Variants in ZNF592 observed in about 807,000 individuals in gnomAD.
ZNF592 encodes spinocerebellar ataxia, autosomal recessive 5.
A neutral mutation model predicts 80.3 loss-of-function variants in ZNF592; 11 were observed. The ratio of observed to expected loss-of-function variants is 0.14; its 90% CI spans 0.09 to 0.23. ZNF592 has a LOEUF of 0.23. Ranked by LOEUF, ZNF592 falls within the 10% of genes least tolerant of loss-of-function variation. The probability of loss-of-function intolerance (pLI) is 1.00; values close to 1 mark genes in which losing one functional copy is unlikely to be tolerated. For synonymous variants in ZNF592, 646 were observed against 640.3 expected (o/e 1.01, Z -0.13); for missense variants, 1,420 against 1,633.9 (o/e 0.87, Z 2.26).
intron 1 of ZNF592, among the ~76,000 whole-genome samples, chr15:84,755,543 T>G (rs1899145882): frequency 6.6e-6 from 1 of 152,194 alleles, no homozygotes; most frequent in African/African-American, 2.4e-5. Context: ...TAACTCAGAA[T>G]AGACTTGCTT....
At position 84,806,068 on chromosome 15, in the gene ZNF592, C is replaced by T. The variant is rs1434795158; in HGVS notation, c.*3675C>T. 1.3e-5 allele frequency: 2 copies of T among 152,592 alleles called. No individual in the cohort carries two copies. The highest frequency in any genetic ancestry group is 6.5e-5 in the Admixed American group (1 of 15,272). 9.5% of individuals were successfully genotyped at this position (152,592 alleles called of 1,614,324 possible). On this transcript the variant is annotated 3_prime_UTR_variant, in exon 11 of 11. Transcript: ENST00000560079. Reference sequence around the variant, plus strand: ...AGAGTAATTCTTTAAAAGTTCCTTGCATATAACAGTGATTCAAAAAGTATA... The same window carrying T: ...AGAGTAATTCTTTAAAAGTTCCTTGTATATAACAGTGATTCAAAAAGTATA...
chr15:84,752,284 T>C (rs550569834), intron 1 of ZNF592, among the ~76,000 whole-genome samples: 1 of 152,340 alleles, frequency 6.6e-6, no homozygotes, highest in East Asian at 1.9e-4. Flanking sequence ...ACTTGTGGGA[T>C]ACATAGTGAG....
rs767358785 is a variant in ZNF592, at chr15:84,784,097, C to T, written c.1422C>T (p.Ala474=). 4 of 1,614,046 alleles carry T rather than the reference C, an allele frequency of 2.5e-6. No homozygotes were observed. The highest frequency in any genetic ancestry group is 2.5e-6 in the Non-Finnish European group (3 of 1,180,042). ...SSGPRVPKGA[A]PGSQTGKKQQ... ...GGCCCCGGGTCCCAAAGGGGGCTGC[C>T]CCAGGCTCACAGACAGGCAAGAAGC... The change falls in exon 4 of 11, where the codon GCC becomes GCT. Residue 474 remains alanine (A), a synonymous_variant. Transcript: ENST00000560079. This position sits in a 1 kb window ranked among gnomAD's most constrained non-coding sequence, Gnocchi z 5.8.
chr15:84,781,173 G>A (rs549530574), intron 3 of ZNF592, among the ~76,000 whole-genome samples: 2 of 151,810 alleles, frequency 1.3e-5, no homozygotes, highest in Non-Finnish European at 2.9e-5. Context: ...CTCAGCCTCC[G>A]GAGTAGCTGG....
intron 2 of ZNF592, among the ~76,000 whole-genome samples, chr15:84,769,068 G>A (rs1899622884): frequency 6.6e-6 from 1 of 152,110 alleles, no homozygotes; most frequent in Non-Finnish European, 1.5e-5. Flanking sequence ...AGCCTCCTGA[G>A]TAGCTGGGAT....
At chr15:84,755,124 A>ATT (rs34356102) in intron 1 of ZNF592, among the ~76,000 whole-genome samples, 23,232 of 115,364 alleles carry the variant, frequency 0.2, 2,847 homozygotes, top group Middle Eastern at 0.35. Flanking sequence ...CACCCAGCTA[A>ATT]TTTTTTTTTT....
In ZNF592 at chr15:84,764,806, C is replaced by T. The variant is rs1282447441; in HGVS notation, c.-159C>T. The T allele has an allele frequency of 2.5e-6, 1 of 398,784 alleles. No individual in the cohort carries two copies. The highest frequency in any genetic ancestry group is 4.4e-6 in the Non-Finnish European group (1 of 226,054). The allele number at this position is 398,784 out of a possible 1,614,324, so 24.7% of individuals were successfully genotyped here. On this transcript the variant is annotated 5_prime_UTR_variant, in exon 2 of 11. Transcript: ENST00000560079. ...GCTCGCCACACCCTTGTTTTGAGATCCTCTCTAAGGTATGATGTCTAGGCT... is the reference window on the plus strand; with the variant it reads ...GCTCGCCACACCCTTGTTTTGAGATTCTCTCTAAGGTATGATGTCTAGGCT...
intron 3 of ZNF592, among the ~76,000 whole-genome samples, chr15:84,780,252 G>T (rs908235524): frequency 2.0e-5 from 3 of 152,174 alleles, no homozygotes; most frequent in African/African-American, 7.2e-5. Flanking sequence ...CTCCCAAAGT[G>T]CTGGGATTAC....
chr15:84,760,402 G>A (rs951576838), intron 1 of ZNF592, among the ~76,000 whole-genome samples: 3 of 152,128 alleles, frequency 2.0e-5, no homozygotes, highest in African/African-American at 7.2e-5. Flanking sequence ...TCACTCTTCT[G>A]ATGTCATATG....
chr15:84,779,740 AC>A (rs1004471717), intron 3 of ZNF592, among the ~76,000 whole-genome samples: 1 of 152,114 alleles, frequency 6.6e-6, no homozygotes. Context: ...AAAGATACTT[AC>A]TTTACTTCTG....
rs1555428849 is a variant in ZNF592 at position 84,759,968 on chromosome 15, C to CCG, written c.-258-4738_-258-4737insGC. On this transcript the variant is annotated intron_variant, in intron 1 of 10. Coordinates refer to ENST00000560079, the MANE Select transcript of ZNF592 (RefSeq NM_014630.3). ...ATTGGGGAGATTCCCCCCCCCCCCA[C>CCG]CCTGCCATTTAAAAAGTAATATGTG... Among the ~76,000 whole-genome samples, 5 of 22,360 alleles carry CCG rather than the reference C, an allele frequency of 2.2e-4. No individual in the cohort carries two copies. In the East Asian group the frequency reaches 7.9e-3, roughly 35 times the overall value. The allele number at this position is 22,360 out of a possible 152,430, so 14.7% of individuals were successfully genotyped here. A position where few individuals can be genotyped will look rare whatever the true frequency, so the allele number is the denominator to read the frequency against.
At chr15:84,788,932 C>T (rs988088652) in intron 4 of ZNF592, among the ~76,000 whole-genome samples, 5 of 151,696 alleles carry the variant, frequency 3.3e-5, no homozygotes, top group Admixed American at 6.6e-5. Context: ...CTTTTTTGGC[C>T]GGGCATGGTG....
At position 84,798,777 on chromosome 15, in the gene ZNF592, C is replaced by T. The variant is rs200921753; in HGVS notation, c.2926C>T (p.Pro976Ser). Residue 976 changes from proline to serine, a missense_variant, in exon 8 of 11, where the codon CCG becomes TCG. By Grantham distance (74) the Pro-to-Ser change is moderately conservative. Transcript: ENST00000560079. This position sits in a 1 kb window ranked among gnomAD's most constrained non-coding sequence, Gnocchi z 4.5. ...AGCCCACCGCAGGGTGGAAGCCAGG[C>T]CGCGGCTGAGGAACACTGGCTGGAC... Reference protein sequence around the residue: ...PEAHRRVEARPRLRNTGWTCQ... With the variant: ...PEAHRRVEARSRLRNTGWTCQ... 289 of 1,604,338 alleles carry T rather than the reference C, an allele frequency of 1.8e-4. No homozygotes were observed. The highest frequency in any genetic ancestry group is 2.4e-4 in the Non-Finnish European group (283 of 1,179,690).
chr15:84,782,611 G>T (rs1962449734), intron 3 of ZNF592, 46 bp from the exon 4 acceptor site: 4 of 1,584,518 alleles, frequency 2.5e-6, no homozygotes, highest in South Asian at 1.1e-5. Flanking sequence ...AGATGGTCCA[G>T]TGGGACCCTG....
At chr15:84,754,515 T>C (rs1899105964) in intron 1 of ZNF592, 1 of 152,174 alleles carries the variant, frequency 6.6e-6, no homozygotes, top group Admixed American at 6.6e-5. Context: ...TGAGCCAAGA[T>C]TGTGCCACTG....
rs1962974897 is a variant in ZNF592, at chr15:84,798,141, G to A, written c.2576+96G>A. ...CATAGGGATGGGTGAGGGAGCTGGGGTTAGTGGCAGAGGTGCCTGGGGTCG... is the reference window on the plus strand; with the variant it reads ...CATAGGGATGGGTGAGGGAGCTGGGATTAGTGGCAGAGGTGCCTGGGGTCG... On this transcript the variant is annotated intron_variant, in intron 6 of 10. Transcript: ENST00000560079. This position sits in a 1 kb window ranked among gnomAD's most constrained non-coding sequence, Gnocchi z 4.5. 4 of 1,574,842 alleles carry A rather than the reference G, an allele frequency of 2.5e-6. No homozygotes were observed. Among genetic ancestry groups the A allele is most frequent in the South Asian group, 1.1e-5 (1 of 89,602 alleles).
chr15:84,783,043 T>G lies in ZNF592; in HGVS notation c.368T>G (p.Phe123Cys), dbSNP rs752847937. ...ATGAATGGAGACAGTGCCAGGAGTT[T>G]CCCTGGCAAACTGGAGCCTCCCAAG... ...TFMNGDSARS[F>C]PGKLEPPKSE... Residue 123 changes from phenylalanine (F) to cysteine (C), a missense_variant, in exon 4 of 11, where the codon TTC (phenylalanine) becomes TGC (cysteine). This residue lies in a region of ZNF592 where 373 missense variants were observed against 355.5 expected (regional missense o/e 1.05). Coordinates refer to ENST00000560079, the MANE Select transcript of ZNF592 (RefSeq NM_014630.3). The surrounding 1 kb of genome is among the most constrained non-coding windows in gnomAD (Gnocchi z 5.0). The G allele has an allele frequency of 1.9e-6, 3 of 1,614,020 alleles. No individual in the cohort carries two copies. Among genetic ancestry groups the G allele is most frequent in the Non-Finnish European group, 1.7e-6 (2 of 1,180,030 alleles).
At chr15:84,785,028 C>G in intron 4 of ZNF592, 133 bp downstream of exon 4, 1 of 1,099,310 alleles carries the variant, frequency 9.1e-7, no homozygotes, top group African/African-American at 1.6e-5. Flanking sequence ...GGATGTCTGC[C>G]TGAATATTTA....
chr15:84,771,701 G>GT (rs1962082150), intron 2 of ZNF592, among the ~76,000 whole-genome samples: 1 of 152,138 alleles, frequency 6.6e-6, no homozygotes, highest in Non-Finnish European at 1.5e-5. Flanking sequence ...TGGGGCAGCT[G>GT]TTTCTTACGT....
Sources: gnomAD v4.1 joint callset for allele counts (sites outside exome capture counted in the v4.1 genomes callset) on GRCh38, gnomAD v4.1.1 for gene constraint, gnomAD v4.1.1 regional missense constraint, Gnocchi (gnomAD v3.1) non-coding constraint, MANE v1.5 for transcripts, NCBI Gene and HGNC (gene_info 2026-07-23, HGNC 2026-07-21) for gene names.